The following INTS3 variants were observed in gnomAD, a reference collection of about 807,000 sequenced individuals.
INTS3 encodes the protein integrator complex subunit 3.
A neutral mutation model predicts 146.3 loss-of-function variants in INTS3; 34 were observed. That is an observed-to-expected ratio of 0.23 (90% confidence interval 0.18 to 0.31). The LOEUF (loss-of-function observed/expected upper bound fraction) is 0.31, where lower values mean the gene tolerates loss of function less well. INTS3 is among the 10% of genes least tolerant of loss of function. INTS3 has a pLI of 1.00. For synonymous variants in INTS3, 475 were observed against 494.9 expected, an observed-to-expected ratio of 0.96 and a Z score of 0.53; for missense variants, 757 against 1,304.2, an observed-to-expected ratio of 0.58 and a Z score of 6.46.
intron 1 of INTS3, among the ~76,000 whole-genome samples, chr1:153,740,344 C>T (rs1671480631): frequency 6.6e-6 from 1 of 152,158 alleles, no homozygotes; most frequent in South Asian, 2.1e-4. Context: ...AGGTGATCTG[C>T]CCACCTCGGC....
At chr1:153,728,832 GATACTGGA>G in intron 1 of INTS3, 48 bp downstream of exon 1, 2 of 776,492 alleles carry the variant, frequency 2.6e-6, no homozygotes, top group South Asian at 1.6e-5. Flanking sequence ...GTTTTGGAGG[GATACTGGA>G]GCGGATACCG....
At position 153,772,381 on chromosome 1, in the gene INTS3, A is replaced by G. The variant is rs1672927574; in HGVS notation, c.2762A>G (p.Glu921Gly). The G allele has an allele frequency of 6.2e-7, 1 of 1,613,950 alleles. No individual in the cohort carries two copies. The highest frequency in any genetic ancestry group is 8.5e-7 in the Non-Finnish European group (1 of 1,180,028). ...SSSKLAQLTL[E>G]QILEHLDNLR... ...AGCAAGCTGGCCCAGCTGACTCTGG[A>G]GCAGATCCTGGAGCACTTGGACAAT... The change falls in exon 27 of 30, where the codon GAG (glutamate) becomes GGG (glycine). Residue 921 changes from glutamate to glycine, a missense_variant. Around this residue, in one of 8 missense-constraint regions of INTS3, gnomAD observed 125 missense variants for 165.6 expected, o/e 0.75. Coordinates refer to ENST00000318967, the MANE Select transcript of INTS3 (RefSeq NM_023015.5). This position sits in a 1 kb window ranked among gnomAD's most constrained non-coding sequence, Gnocchi z 4.6.
intron 1 of INTS3, among the ~76,000 whole-genome samples, chr1:153,735,092 C>G (rs1422110051): frequency 6.6e-6 from 1 of 152,104 alleles, no homozygotes; most frequent in Non-Finnish European, 1.5e-5. Context: ...TTCAGCCTCC[C>G]AAGTAGCTGG....
chr1:153,742,179 TGGAATA>T (rs1671557823), intron 3 of INTS3, among the ~76,000 whole-genome samples: 1 of 152,210 alleles, frequency 6.6e-6, no homozygotes, highest in Non-Finnish European at 1.5e-5. Flanking sequence ...TGATGCCAGC[TGGAATA>T]GGGTCTGGGG....
chr1:153,771,895 C>CG lies in INTS3; in HGVS notation c.2653dup (p.Glu885GlyfsTer28). ...TGCGGCACTGGTGCATGAAACATGA[C>CG]GAGCTGCTGGCCGAGCACATCAAGT... is the stretch of plus-strand genomic sequence containing the variant. On this transcript the variant is annotated frameshift_variant, in exon 26 of 30. Transcript: ENST00000318967. LOFTEE classifies it high-confidence loss of function. 6.2e-7 allele frequency: 1 copy of CG among 1,614,132 alleles called. No homozygotes were observed. The highest frequency in any genetic ancestry group is 8.5e-7 in the Non-Finnish European group (1 of 1,180,002).
chr1:153,764,188 G>C lies in INTS3; in HGVS notation c.1892G>C (p.Arg631Pro), dbSNP rs886866467. The C allele has an allele frequency of 1.9e-6, 3 of 1,613,970 alleles. No individual in the cohort carries two copies. Among genetic ancestry groups the C allele is most frequent in the African/African-American group, 1.3e-5 (1 of 74,996 alleles). The change falls in exon 18 of 30, where the codon CGA becomes CCA. Residue 631 changes from arginine (R) to proline (P), a missense_variant. Around this residue, in one of 8 missense-constraint regions of INTS3, gnomAD observed 89 missense variants for 210.9 expected, o/e 0.42. Coordinates refer to ENST00000318967, the MANE Select transcript of INTS3 (RefSeq NM_023015.5). ...CLQELFKAHF[R>P]GEVLPEEITE... ...CAGGAGCTCTTCAAGGCCCACTTTC[G>C]AGGGGAGGTCCTGCCTGAGGAGATT... is the stretch of plus-strand genomic sequence containing the variant.
At chr1:153,741,657 A>G (rs1671538486) in intron 3 of INTS3, among the ~76,000 whole-genome samples, 1 of 152,240 alleles carries the variant, frequency 6.6e-6, no homozygotes, top group East Asian at 1.9e-4. Context: ...GATTAAATCC[A>G]GGGAATAGAA....
At chr1:153,731,747 G>T (rs563049379) in intron 1 of INTS3, among the ~76,000 whole-genome samples, 2 of 148,232 alleles carry the variant, frequency 1.3e-5, no homozygotes, top group African/African-American at 5.0e-5. Flanking sequence ...CACCACGCCC[G>T]GCTAATTTTT....
At chr1:153,764,866 C>A in intron 19 of INTS3, 78 bp from the exon 20 acceptor site, 1 of 1,584,426 alleles carries the variant, frequency 6.3e-7, no homozygotes, top group East Asian at 2.2e-5. Context: ...ACAGACAGCC[C>A]ATGCCACCTG....
At chr1:153,748,800 A>G in intron 6 of INTS3, 45 bp downstream of exon 6, 1 of 1,450,396 alleles carries the variant, frequency 6.9e-7, no homozygotes, top group Non-Finnish European at 9.7e-7. Flanking sequence ...GATAATGGCC[A>G]TTAGGAGTGT....
intron 6 of INTS3, 199 bp from the exon 7 acceptor site, chr1:153,750,896 G>C (rs557951610): frequency 6.6e-5 from 31 of 466,336 alleles, no homozygotes; most frequent in African/African-American, 5.0e-4. Context: ...AGAAAATTAG[G>C]AAGTTGTCCG....
chr1:153,772,273 G>A lies in INTS3; in HGVS notation c.2721-67G>A, dbSNP rs1296674619. 24 of 1,550,746 alleles carry A rather than the reference G, an allele frequency of 1.5e-5. No homozygotes were observed. The highest frequency in any genetic ancestry group is 2.0e-5 in the Non-Finnish European group (23 of 1,135,924). Reference sequence around the variant, plus strand: ...CTCTGTCTTAAGGGGGCCCTGGCGGGTGGAGGGTGTCTCGCACTCTGGAAC... The same window carrying A: ...CTCTGTCTTAAGGGGGCCCTGGCGGATGGAGGGTGTCTCGCACTCTGGAAC... On this transcript the variant is annotated intron_variant, in intron 26 of 29. Transcript: ENST00000318967. This position sits in a 1 kb window ranked among gnomAD's most constrained non-coding sequence, Gnocchi z 4.6.
intron 1 of INTS3, among the ~76,000 whole-genome samples, chr1:153,735,407 C>T (rs1301582467): frequency 1.3e-5 from 2 of 152,068 alleles, no homozygotes; most frequent in African/African-American, 4.8e-5. Flanking sequence ...GCTAAATTAC[C>T]CAAGATTAGC....
chr1:153,739,991 G>A (rs561028196), intron 1 of INTS3, among the ~76,000 whole-genome samples: 3 of 151,502 alleles, frequency 2.0e-5, no homozygotes, highest in Non-Finnish European at 2.9e-5. Flanking sequence ...TAGTAGAGAC[G>A]GAGTTTCACA....
chr1:153,767,928 C>A, intron 21 of INTS3, 101 bp downstream of exon 21: 1 of 1,253,652 alleles, frequency 8.0e-7, no homozygotes, highest in Non-Finnish European at 1.1e-6. Flanking sequence ...TGTTCATCCC[C>A]ACTAACCTAG....
intron 6 of INTS3, 104 bp from the exon 7 acceptor site, chr1:153,750,991 C>A (rs949446193): frequency 2.5e-6 from 3 of 1,178,152 alleles, no homozygotes; most frequent in African/African-American, 1.5e-5. Flanking sequence ...AGTGTCAAAT[C>A]ATCAATTATT....
chr1:153,731,279 T>A (rs1279033067), intron 1 of INTS3, among the ~76,000 whole-genome samples: 1 of 152,022 alleles, frequency 6.6e-6, no homozygotes, highest in Non-Finnish European at 1.5e-5. Flanking sequence ...AGATTTGGAG[T>A]AGGAAGCACT....
rs771274012 is a variant in INTS3, at chr1:153,772,484, T to C, written c.2821+44T>C. On this transcript the variant is annotated intron_variant, in intron 27 of 29. Transcript: ENST00000318967. This position sits in a 1 kb window ranked among gnomAD's most constrained non-coding sequence, Gnocchi z 4.6. The stretch of plus-strand genomic sequence containing the variant: ...GCGTCCAGTGTAGACGGTGCTGCCC[T>C]GGCCCAGACTATGCCTGGAGCCAGG... The C allele has an allele frequency of 6.2e-7, 1 of 1,613,868 alleles. No individual in the cohort carries two copies. The highest frequency in any genetic ancestry group is 1.1e-5 in the South Asian group (1 of 91,072).
intron 1 of INTS3, among the ~76,000 whole-genome samples, chr1:153,740,360 A>T (rs1671482605): frequency 6.6e-6 from 1 of 152,176 alleles, no homozygotes; most frequent in Non-Finnish European, 1.5e-5. Context: ...TCGGCCTCCT[A>T]AAGTGCTAGG....
Sources: allele counts gnomAD v4.1 joint callset (sites outside exome capture counted in the v4.1 genomes callset), GRCh38; gene constraint gnomAD v4.1.1; regional missense constraint gnomAD v4.1.1; non-coding constraint Gnocchi (gnomAD v3.1); transcripts MANE v1.5; gene names NCBI Gene and HGNC (gene_info 2026-07-23, HGNC 2026-07-21).